MYRIP: variants seen among roughly 807,000 people sequenced by gnomAD.
MYRIP encodes the protein rab effector MyRIP.
In MYRIP, 49 loss-of-function variants were observed where a neutral mutation model predicts 98.0. The observed-to-expected ratio is 0.50, with a 90% CI of 0.40 to 0.63. MYRIP has a LOEUF of 0.63. Ranked by LOEUF, MYRIP falls within the 30% of genes least tolerant of loss-of-function variation. MYRIP has a pLI of 0.00. For synonymous variants in MYRIP, 404 were observed against 409.5 expected (o/e 0.99, Z 0.16); for missense variants, 1,004 against 1,058.2 (o/e 0.95, Z 0.71).
intron 2 of MYRIP, among the ~76,000 whole-genome samples, chr3:39,969,817 G>C (rs6809157): frequency 0.47 from 71,444 of 151,952 alleles, 17,541 homozygotes; most frequent in African/African-American, 0.64. Flanking sequence ...GCCTTGGTAT[G>C]AAGATGATGC....
intron 4 of MYRIP, among the ~76,000 whole-genome samples, chr3:40,158,641 G>A (rs1950302061): frequency 6.6e-6 from 1 of 152,120 alleles, no homozygotes; most frequent in African/African-American, 2.4e-5. Flanking sequence ...AAGTCTCTTT[G>A]TAGGTCACTC....
chr3:39,971,205 A>G (rs114707227), intron 2 of MYRIP, among the ~76,000 whole-genome samples: 2,352 of 152,168 alleles, frequency 0.015, 54 homozygotes, highest in African/African-American at 0.052. Context: ...ATAAGGGTCT[A>G]AAGTTGTTTT....
At chr3:40,163,343 A>T (rs910500763) in intron 5 of MYRIP, among the ~76,000 whole-genome samples, 1 of 152,024 alleles carries the variant, frequency 6.6e-6, no homozygotes, top group African/African-American at 2.4e-5. Flanking sequence ...TGTACTCTCT[A>T]TTCTCTCTTT....
At chr3:40,099,988 A>G (rs1948913773) in intron 3 of MYRIP, 6 of 984,928 alleles carry the variant, frequency 6.1e-6, no homozygotes, top group South Asian at 9.4e-5. Flanking sequence ...GCTCTCCGTC[A>G]CCTCCCTTCT....
intron 5 of MYRIP, among the ~76,000 whole-genome samples, chr3:40,163,962 C>T (rs892033849): frequency 6.6e-6 from 1 of 152,162 alleles, no homozygotes; most frequent in Non-Finnish European, 1.5e-5. Flanking sequence ...ACCTCAAGTG[C>T]ACCTCCATTT....
chr3:40,033,357 G>A (rs1291952332), intron 2 of MYRIP, among the ~76,000 whole-genome samples: 1 of 151,926 alleles, frequency 6.6e-6, no homozygotes, highest in Non-Finnish European at 1.5e-5. Flanking sequence ...AAGCTGATAA[G>A]CAACTTCAGC....
At chr3:40,034,392 C>T (rs1319584626) in intron 2 of MYRIP, among the ~76,000 whole-genome samples, 2 of 152,000 alleles carry the variant, frequency 1.3e-5, no homozygotes, top group Non-Finnish European at 2.9e-5. Context: ...AACAAACAAC[C>T]CCATCAACAA....
rs753167019 is a variant in MYRIP, at chr3:40,084,136, CAAAAAAAAAAAAAAAAA to C, written c.332+39877_332+39893del. Among the ~76,000 whole-genome samples, 25 of 55,078 alleles carry C rather than the reference CAAAAAAAAAAAAAAAAA, an allele frequency of 4.5e-4. 1 individual carries two copies. The Admixed American group carries it at 8.1e-3, about 18-fold the overall frequency. 36.1% of individuals were successfully genotyped at this position (55,078 alleles called of 152,430 possible). On this transcript the variant is annotated intron_variant, in intron 3 of 16. Transcript: ENST00000302541. ...TGGGCAACAGATCGAGACTCCATCT[CAAAAAAAAAAAAAAAAA>C]AAAAAAAAAAAGACATTCTCAGAAG...
chr3:40,165,071 G>A (rs1402473114), intron 5 of MYRIP, among the ~76,000 whole-genome samples: 4 of 152,044 alleles, frequency 2.6e-5, no homozygotes, highest in Non-Finnish European at 4.4e-5. Flanking sequence ...AAAATACATC[G>A]GTGGCTATCT....
At position 40,050,425 on chromosome 3, in the gene MYRIP, T is replaced by A. The variant is rs562337592; in HGVS notation, c.332+6154T>A. Reference sequence around the variant, plus strand: ...TGCATATGTTTACAGCATGGTTTACTGAATATTTTAAGCCCACTTTTGAGA... The same window carrying A: ...TGCATATGTTTACAGCATGGTTTACAGAATATTTTAAGCCCACTTTTGAGA... On this transcript the variant is annotated intron_variant, in intron 3 of 16. Transcript: ENST00000302541. 8.5e-5 allele frequency among the ~76,000 whole-genome samples: 13 copies of A among 152,192 alleles called. No homozygotes were observed. The South Asian group carries it at 2.7e-3, about 32-fold the overall frequency.
At chr3:39,815,726 C>G (rs928583616) in intron 1 of MYRIP, among the ~76,000 whole-genome samples, 22 of 152,212 alleles carry the variant, frequency 1.4e-4, no homozygotes, top group Middle Eastern at 3.4e-3. Context: ...CCTAGGGCCT[C>G]TGGCATAATG....
At chr3:40,137,212 AT>A (rs1442133237) in intron 3 of MYRIP, among the ~76,000 whole-genome samples, 1 of 152,258 alleles carries the variant, frequency 6.6e-6, no homozygotes, top group African/African-American at 2.4e-5. Flanking sequence ...ATCAACACTG[AT>A]CCCACAGAAA....
chr3:40,132,227 C>T (rs1410831142), intron 3 of MYRIP, among the ~76,000 whole-genome samples: 4 of 152,180 alleles, frequency 2.6e-5, no homozygotes, highest in Non-Finnish European at 5.9e-5. Flanking sequence ...GTTGTCTCTA[C>T]AGCTGCAGAA....
In MYRIP at chr3:40,182,310, C is replaced by G. The variant is rs746841406; in HGVS notation, c.964C>G (p.Gln322Glu). The G allele has an allele frequency of 5.6e-6, 9 of 1,613,964 alleles. 1 individual carries two copies. The South Asian group carries it at 8.8e-5, about 16-fold the overall frequency. Residue 322 changes from glutamine to glutamate, a missense_variant, in exon 9 of 17, where the codon CAA becomes GAA. Physicochemically the swap from Gln to Glu is conservative, Grantham distance 29 (BLOSUM62 2). Around this residue, in one of 3 missense-constraint regions of MYRIP, gnomAD observed 880 missense variants for 907.7 expected, o/e 0.97. Transcript: ENST00000302541. ...ATCGAGGCAGCCAAGGGACCAAGGC[C>G]AACACCCGAGAGCAGAGTCTGCTCT... ...APSRQPRDQG[Q>E]HPRAESALPS...
chr3:39,849,374 G>T (rs1479977678), intron 1 of MYRIP, among the ~76,000 whole-genome samples: 3 of 152,182 alleles, frequency 2.0e-5, no homozygotes, highest in African/African-American at 7.2e-5. Context: ...TAATACTGAA[G>T]CCATCAAAAC....
rs1202048766 is a variant in MYRIP at position 40,055,711 on chromosome 3, CAT to C, written c.332+11443_332+11444del. On this transcript the variant is annotated intron_variant, in intron 3 of 16. Transcript: ENST00000302541. ...TCTGTCCATAGCACTTTACTGTTTTCATATGTTTTGGTTGAGGAGTTACATCC... is the reference window on the plus strand; with the variant it reads ...TCTGTCCATAGCACTTTACTGTTTTCATGTTTTGGTTGAGGAGTTACATCC... 5.3e-5 allele frequency among the ~76,000 whole-genome samples: 8 copies of C among 152,222 alleles called. No homozygotes were observed. The East Asian group carries it at 1.4e-3, about 26-fold the overall frequency.
intron 2 of MYRIP, among the ~76,000 whole-genome samples, chr3:39,967,804 C>T (rs140003806): frequency 9.7e-4 from 148 of 152,110 alleles, no homozygotes; most frequent in Non-Finnish European, 1.5e-3. Context: ...TATCTCACTG[C>T]GGTTTTTATT....
intron 10 of MYRIP, among the ~76,000 whole-genome samples, chr3:40,205,988 CA>C (rs1423881604): frequency 6.6e-6 from 1 of 152,124 alleles, no homozygotes; most frequent in Non-Finnish European, 1.5e-5. Context: ...TTATTCTTAT[CA>C]GTATTTCTTA....
intron 8 of MYRIP, among the ~76,000 whole-genome samples, chr3:40,171,846 T>C (rs1398478696): frequency 1.3e-5 from 2 of 152,318 alleles, no homozygotes; most frequent in East Asian, 1.9e-4. Flanking sequence ...ACATACCCAA[T>C]AGAGGGTAAT....
Sources: gnomAD v4.1 joint callset for allele counts (sites outside exome capture counted in the v4.1 genomes callset) on GRCh38, gnomAD v4.1.1 for gene constraint, gnomAD v4.1.1 regional missense constraint, MANE v1.5 for transcripts, NCBI Gene and HGNC (gene_info 2026-07-23, HGNC 2026-07-21) for gene names.